The following SLCO4C1 variants were observed in gnomAD, a reference collection of about 807,000 sequenced individuals.
The protein encoded by SLCO4C1 is organic anion transporter M1.
A neutral mutation model predicts 72.1 loss-of-function variants in SLCO4C1; 58 were observed. That is an observed-to-expected ratio of 0.80 (90% confidence interval 0.65 to 1.00). The LOEUF (loss-of-function observed/expected upper bound fraction) is 1.00, where lower values mean the gene tolerates loss of function less well. Among genes scored for constraint, SLCO4C1 ranks in the 50% least tolerant of loss-of-function variants. SLCO4C1 has a pLI of 0.00. For missense variants in SLCO4C1, 898 were observed against 857.9 expected (o/e 1.05, Z -0.58); for synonymous variants, 297 against 312.5 (o/e 0.95, Z 0.52).
chr5:102,288,784 A>C (rs1020121639), intron 2 of SLCO4C1, among the ~76,000 whole-genome samples: 9 of 152,304 alleles, frequency 5.9e-5, no homozygotes, highest in African/African-American at 1.9e-4. Context: ...GCTCTTCACT[A>C]TCCAGATATT....
In SLCO4C1 at chr5:102,257,195, A is replaced by T; in HGVS notation, c.1389T>A (p.Val463=). 1 of 1,609,406 alleles carries T rather than the reference A, an allele frequency of 6.2e-7. No homozygotes were observed. The highest frequency in any genetic ancestry group is 2.2e-5 in the East Asian group (1 of 44,540). Residue 463 remains valine, a synonymous_variant, in exon 8 of 13, where the codon GTT becomes GTA. Coordinates refer to ENST00000310954, the MANE Select transcript of SLCO4C1 (RefSeq NM_180991.5). ...TMKFALFTSG[V]ALTLSFVFMY... is the part of the protein sequence containing the mutation. ...TAAATACAAAACTCAGCGTAAGTGC[A>T]ACTCCAGATGTGAACAGTGCAAACT...
intron 1 of SLCO4C1, among the ~76,000 whole-genome samples, chr5:102,293,587 ATT>A (rs1749594370): frequency 6.6e-6 from 1 of 152,214 alleles, no homozygotes; most frequent in African/African-American, 2.4e-5. Flanking sequence ...CATTCGAGAA[ATT>A]TTGTTTTTCT....
chr5:102,260,264 A>G lies in SLCO4C1; in HGVS notation c.1077T>C (p.Asn359=), dbSNP rs1748911739. 2.8e-6 allele frequency: 4 copies of G among 1,404,210 alleles called. No homozygotes were observed. The African/African-American group carries it at 4.4e-5, about 16-fold the overall frequency. The allele number at this position is 1,404,210 out of a possible 1,614,324, so 87.0% of individuals were successfully genotyped here. A position where few individuals can be genotyped will look rare whatever the true frequency, so the allele number is the denominator to read the frequency against. ...TACTTTTTCCAAATTTCACATCTGCATTACTATTACTCTGATGAGCCTGGG... is the reference window on the plus strand; with the variant it reads ...TACTTTTTCCAAATTTCACATCTGCGTTACTATTACTCTGATGAGCCTGGG... ...KTSQAHQSNS[N]ADVKFGKSIK... is the part of the protein sequence containing the mutation. Residue 359 remains asparagine (N), a synonymous_variant, in exon 6 of 13, where the codon AAT becomes AAC. Coordinates refer to ENST00000310954, the MANE Select transcript of SLCO4C1 (RefSeq NM_180991.5).
chr5:102,282,224 T>G (rs1263158941), intron 2 of SLCO4C1, among the ~76,000 whole-genome samples: 7 of 152,060 alleles, frequency 4.6e-5, no homozygotes, highest in Admixed American at 2.0e-4. Flanking sequence ...CATGAGTTAA[T>G]TTATAATAAA....
In SLCO4C1 at chr5:102,266,622, C is replaced by A. The variant is rs11959827; in HGVS notation, c.803-2842G>T. On this transcript the variant is annotated intron_variant, in intron 3 of 12. Transcript: ENST00000310954. ...CAGAGATCGCACCACTGCACTCCAG[C>A]CTGGGTGACAAGAGCGAGATTCCAT... Among the ~76,000 whole-genome samples the A allele has an allele frequency of 6.8e-3, 1,028 of 151,970 alleles. 12 individuals carry two copies. Among genetic ancestry groups the A allele is most frequent in the African/African-American group, 0.024 (974 of 41,408 alleles).
chr5:102,265,587 C>T (rs1046190021), intron 3 of SLCO4C1, among the ~76,000 whole-genome samples: 1 of 151,868 alleles, frequency 6.6e-6, no homozygotes, highest in Non-Finnish European at 1.5e-5. Context: ...CAGTGTATAT[C>T]CTTGGTATCT....
chr5:102,261,489 G>A (rs564263334), intron 5 of SLCO4C1, among the ~76,000 whole-genome samples: 1 of 149,506 alleles, frequency 6.7e-6, no homozygotes, highest in Non-Finnish European at 1.5e-5. Context: ...GCTACGGAAT[G>A]ACTTCAGTGA....
intron 6 of SLCO4C1, among the ~76,000 whole-genome samples, chr5:102,258,344 G>A (rs542886526): frequency 6.6e-6 from 1 of 152,214 alleles, no homozygotes; most frequent in Non-Finnish European, 1.5e-5. Flanking sequence ...GCATTCCAAG[G>A]GCTATGGAAA....
At chr5:102,276,346 TA>T (rs1427866523) in intron 2 of SLCO4C1, among the ~76,000 whole-genome samples, 6 of 152,178 alleles carry the variant, frequency 3.9e-5, no homozygotes, top group African/African-American at 1.4e-4. Flanking sequence ...TGCATTCAGT[TA>T]TTCTCCCACC....
At chr5:102,290,361 A>C (rs1158940225) in intron 2 of SLCO4C1, among the ~76,000 whole-genome samples, 5 of 152,190 alleles carry the variant, frequency 3.3e-5, no homozygotes, top group Non-Finnish European at 7.3e-5. Flanking sequence ...TCTCTTTAAC[A>C]AACAGTTTTG....
chr5:102,240,886 A>T, intron 10 of SLCO4C1, 104 bp from the exon 11 acceptor site: 1 of 741,378 alleles, frequency 1.3e-6, no homozygotes, highest in Non-Finnish European at 2.2e-6. Flanking sequence ...TATTAAAGTA[A>T]ATGTTGTAAA....
At chr5:102,242,317 A>G (rs928005693) in intron 10 of SLCO4C1, among the ~76,000 whole-genome samples, 1 of 152,212 alleles carries the variant, frequency 6.6e-6, no homozygotes, top group Non-Finnish European at 1.5e-5. Context: ...TTAGGCTCAA[A>G]GACAGTGGAC....
chr5:102,261,818 A>G lies in SLCO4C1; in HGVS notation c.1021+94T>C. 2.4e-6 allele frequency: 3 copies of G among 1,259,246 alleles called. No individual in the cohort carries two copies. The Admixed American group carries it at 8.3e-5, about 35-fold the overall frequency. 78.0% of individuals were successfully genotyped at this position (1,259,246 alleles called of 1,614,324 possible). A position where few individuals can be genotyped will look rare whatever the true frequency, so the allele number is the denominator to read the frequency against. ...ACAGTTGAGATTCTATAAAAGAAAC[A>G]GGGTGAATCTATAGTTCTTATTAAT... is the stretch of plus-strand genomic sequence containing the variant. On this transcript the variant is annotated intron_variant, in intron 5 of 12. Coordinates refer to ENST00000310954, the MANE Select transcript of SLCO4C1 (RefSeq NM_180991.5).
At chr5:102,240,162 G>A (rs1187512006) in intron 11 of SLCO4C1, among the ~76,000 whole-genome samples, 2 of 151,944 alleles carry the variant, frequency 1.3e-5, no homozygotes, top group Non-Finnish European at 2.9e-5. Flanking sequence ...TGAAAAAATT[G>A]GCAAGTTGGA....
intron 10 of SLCO4C1, among the ~76,000 whole-genome samples, chr5:102,242,477 G>A (rs1198346491): frequency 6.6e-6 from 1 of 152,152 alleles, no homozygotes; most frequent in Non-Finnish European, 1.5e-5. Context: ...GAGTGGGGAG[G>A]ATTTTGTCTT....
At chr5:102,271,111 T>A (rs1049487027) in intron 2 of SLCO4C1, among the ~76,000 whole-genome samples, 1 of 152,068 alleles carries the variant, frequency 6.6e-6, no homozygotes, top group Non-Finnish European at 1.5e-5. Flanking sequence ...GTATACCCCA[T>A]TTAATTTTTT....
chr5:102,269,705 TTC>T (rs1340388890), intron 3 of SLCO4C1, among the ~76,000 whole-genome samples: 1 of 152,146 alleles, frequency 6.6e-6, no homozygotes, highest in African/African-American at 2.4e-5. Context: ...TTTATTTTGA[TTC>T]TGTTACTGTA....
Position 102,291,413 on chromosome 5 carries a change from T to A in SLCO4C1, c.549A>T (p.Gly183=). Residue 183 remains glycine, a synonymous_variant, in exon 2 of 13, where the codon GGA becomes GGT. Transcript: ENST00000310954. ...RWLAFAAFMI[G]LGALVFSLPQ... is the part of the protein sequence containing the mutation. ...GCAATGAGAATACAAGTGCTCCCAG[T>A]CCAATCATAAAGGCTGCAAATGCAA... 3.7e-6 allele frequency: 6 copies of A among 1,614,102 alleles called. No homozygotes were observed. The highest frequency in any genetic ancestry group is 5.1e-6 in the Non-Finnish European group (6 of 1,180,020).
chr5:102,238,702 G>C (rs10062716), intron 12 of SLCO4C1, among the ~76,000 whole-genome samples: 13,318 of 151,980 alleles, frequency 0.088, 630 homozygotes, highest in African/African-American at 0.11. Flanking sequence ...GTGTAAACTA[G>C]ATACATTGTT....
Sources: gnomAD v4.1 joint callset for allele counts (sites outside exome capture counted in the v4.1 genomes callset) on GRCh38, gnomAD v4.1.1 for gene constraint, MANE v1.5 for transcripts, NCBI Gene and HGNC (gene_info 2026-07-23, HGNC 2026-07-21) for gene names.